Variants in RANBP17 observed in about 807,000 individuals in gnomAD.
The protein encoded by RANBP17 is RAN binding protein 17.
In RANBP17, 158 loss-of-function variants were observed where a neutral mutation model predicts 141.2. The ratio of observed to expected loss-of-function variants is 1.12; its 90% confidence interval spans 0.98 to 1.28. The LOEUF is 1.28. Ranked by LOEUF, RANBP17 falls within the 50% of genes most tolerant of loss-of-function variation. RANBP17 has a pLI of 0.00. For synonymous variants in RANBP17, 430 were observed against 450.0 expected (o/e 0.96, Z 0.56); for missense variants, 1,438 against 1,290.7 (o/e 1.11, Z -1.75).
intron 14 of RANBP17, among the ~76,000 whole-genome samples, chr5:171,031,718 C>G (rs1456168476): frequency 6.6e-6 from 1 of 151,944 alleles, no homozygotes; most frequent in Non-Finnish European, 1.5e-5. Context: ...AGAAATAACC[C>G]TTTCATACCT....
intron 24 of RANBP17, among the ~76,000 whole-genome samples, chr5:171,255,743 G>A (rs1765841948): frequency 6.6e-6 from 1 of 152,134 alleles, no homozygotes; most frequent in Admixed American, 6.5e-5. Flanking sequence ...AGCGTTGTGA[G>A]GTTATATGTT....
At chr5:170,897,138 G>T in intron 5 of RANBP17, 1 of 827,738 alleles carries the variant, frequency 1.2e-6, no homozygotes, top group Non-Finnish European at 2.0e-6. Flanking sequence ...GGACCACTGA[G>T]AGATGTATTT....
chr5:170,990,418 A>C (rs979922175), intron 14 of RANBP17, among the ~76,000 whole-genome samples: 1 of 151,924 alleles, frequency 6.6e-6, no homozygotes, highest in Non-Finnish European at 1.5e-5. Flanking sequence ...TTATTTTTAT[A>C]TTCCATCTGG....
chr5:171,281,899 A>C, intron 25 of RANBP17, among the ~76,000 whole-genome samples: 1 of 152,266 alleles, frequency 6.6e-6, no homozygotes, highest in Middle Eastern at 3.4e-3. Flanking sequence ...CATTTAGTAC[A>C]CTTACCCCTC....
chr5:170,939,519 G>A (rs1774158587), intron 12 of RANBP17, among the ~76,000 whole-genome samples: 1 of 151,808 alleles, frequency 6.6e-6, no homozygotes, highest in African/African-American at 2.4e-5. Flanking sequence ...AGAGTAGCTG[G>A]GACTACAGTC....
At chr5:170,958,935 T>C (rs1775933744) in intron 13 of RANBP17, among the ~76,000 whole-genome samples, 1 of 152,232 alleles carries the variant, frequency 6.6e-6, no homozygotes, top group Non-Finnish European at 1.5e-5. Flanking sequence ...TTTTGTCTTA[T>C]TCATCATGCA....
rs570508861 is a variant in RANBP17 at position 171,205,785 on chromosome 5, G to A, written c.2231+173G>A. ...GCAGCAGAGCAGATAACTGAGCACA[G>A]TATTTGGAGACCCAGCTCAGAGAAG... is the stretch of plus-strand genomic sequence containing the variant. On this transcript the variant is annotated intron_variant, in intron 20 of 27. Transcript: ENST00000523189. 2.0e-5 allele frequency: 14 copies of A among 699,542 alleles called. No individual in the cohort carries two copies. In the Admixed American group the frequency reaches 2.6e-4, roughly 13 times the overall value. 43.3% of individuals were successfully genotyped at this position (699,542 alleles called of 1,614,324 possible). A position where few individuals can be genotyped will look rare whatever the true frequency, so the allele number is the denominator to read the frequency against.
chr5:170,961,476 A>T (rs1444664370), intron 13 of RANBP17, among the ~76,000 whole-genome samples: 2 of 152,250 alleles, frequency 1.3e-5, no homozygotes, highest in Non-Finnish European at 2.9e-5. Flanking sequence ...AGGACAATAA[A>T]TTGAAACTGG....
At chr5:171,134,954 C>T (rs1315190785) in intron 14 of RANBP17, among the ~76,000 whole-genome samples, 1 of 150,132 alleles carries the variant, frequency 6.7e-6, no homozygotes, top group Non-Finnish European at 1.5e-5. Context: ...ATTCCCAAAA[C>T]AGAAAAGTAA....
At chr5:171,077,914 A>G (rs755676421) in intron 14 of RANBP17, among the ~76,000 whole-genome samples, 8 of 152,176 alleles carry the variant, frequency 5.3e-5, no homozygotes, top group South Asian at 2.1e-4. Flanking sequence ...ATTCACTTCT[A>G]TGAAGACTGA....
At chr5:171,071,054 CA>C (rs891486056) in intron 14 of RANBP17, among the ~76,000 whole-genome samples, 13 of 151,070 alleles carry the variant, frequency 8.6e-5, no homozygotes, top group Admixed American at 4.0e-4. Flanking sequence ...AGAGGAAGCA[CA>C]AAAAAAAATT....
chr5:171,246,026 G>T (rs1765195421), intron 24 of RANBP17, among the ~76,000 whole-genome samples: 1 of 151,924 alleles, frequency 6.6e-6, no homozygotes, highest in South Asian at 2.1e-4. Flanking sequence ...TTACAGGCAT[G>T]TGCCACCACG....
intron 24 of RANBP17, among the ~76,000 whole-genome samples, chr5:171,245,971 T>G (rs1765190878): frequency 6.6e-6 from 1 of 150,572 alleles, no homozygotes; most frequent in Admixed American, 6.7e-5. Context: ...CTCCGCCTCC[T>G]GGGTTCAAAC....
In RANBP17 at chr5:171,042,036, T is replaced by C. The variant is rs185241166; in HGVS notation, c.1710+73659T>C. On this transcript the variant is annotated intron_variant, in intron 14 of 27. Transcript: ENST00000523189. ...GTGTTAGTTTGCTGAGGATAATGGC[T>C]TCCAGCTCTATCCATGTCCCTGCAA... Among the ~76,000 whole-genome samples, 269 of 152,256 alleles carry C rather than the reference T, an allele frequency of 1.8e-3. 1 individual carries two copies. Among genetic ancestry groups the C allele is most frequent in the Non-Finnish European group, 2.9e-3 (197 of 68,010 alleles).
chr5:171,122,657 C>A (rs1452589451), intron 14 of RANBP17, among the ~76,000 whole-genome samples: 1 of 152,202 alleles, frequency 6.6e-6, no homozygotes, highest in African/African-American at 2.4e-5. Context: ...CAGACTCCTG[C>A]AGTCCTAGCC....
intron 25 of RANBP17, among the ~76,000 whole-genome samples, chr5:171,266,912 C>T (rs1269031764): frequency 7.0e-6 from 1 of 141,978 alleles, no homozygotes; most frequent in African/African-American, 2.6e-5. Flanking sequence ...GACTCCATCT[C>T]AAAAAAAAAG....
chr5:171,060,851 A>G (rs1457360685), intron 14 of RANBP17, among the ~76,000 whole-genome samples: 2 of 151,794 alleles, frequency 1.3e-5, no homozygotes, highest in Non-Finnish European at 2.9e-5. Flanking sequence ...GCCTGTTATT[A>G]GTCTATTCAG....
chr5:170,935,060 A>G (rs1379344237), intron 12 of RANBP17, among the ~76,000 whole-genome samples: 1 of 152,108 alleles, frequency 6.6e-6, no homozygotes. Context: ...TTCATTTGAT[A>G]TTCAATCACT....
At chr5:171,152,999 C>T (rs1758598371) in intron 14 of RANBP17, among the ~76,000 whole-genome samples, 1 of 152,192 alleles carries the variant, frequency 6.6e-6, no homozygotes. Context: ...GATCTTGCTC[C>T]TAAAGCATTT....
Sources: gnomAD v4.1 joint callset for allele counts (sites outside exome capture counted in the v4.1 genomes callset) on GRCh38, gnomAD v4.1.1 for gene constraint, MANE v1.5 for transcripts, NCBI Gene and HGNC (gene_info 2026-07-23, HGNC 2026-07-21) for gene names.